PPIL6: variants seen among roughly 807,000 people sequenced by gnomAD.
The protein encoded by PPIL6 is peptidylprolyl isomerase like 6.
Under a neutral mutation model 36.8 loss-of-function variants are expected in PPIL6, and 39 were observed. The ratio of observed to expected loss-of-function variants is 1.06; its 90% CI spans 0.82 to 1.38. The LOEUF (loss-of-function observed/expected upper bound fraction) is 1.38, where lower values mean the gene tolerates loss of function less well. Ranked by LOEUF, PPIL6 falls within the 40% of genes most tolerant of loss-of-function variation. The probability of loss-of-function intolerance (pLI) is 0.00; values close to 1 mark genes in which losing one functional copy is unlikely to be tolerated. For missense variants in PPIL6, 368 were observed against 379.1 expected (o/e 0.97, Z 0.24); for synonymous variants, 123 against 134.1 (o/e 0.92, Z 0.57).
At chr6:109,434,111 A>T (rs1032935833) in intron 2 of PPIL6, among the ~76,000 whole-genome samples, 10 of 152,276 alleles carry the variant, frequency 6.6e-5, no homozygotes, top group Middle Eastern at 3.4e-3. Context: ...AAAAAGAAAA[A>T]AAAAGTATTG....
At chr6:109,406,392 A>T (rs771021158) in intron 6 of PPIL6, among the ~76,000 whole-genome samples, 49 of 152,196 alleles carry the variant, frequency 3.2e-4, no homozygotes, top group Non-Finnish European at 1.6e-4. Context: ...GTCGCAATAC[A>T]ACAGAACTGA....
chr6:109,396,502 C>G (rs769216976), intron 7 of PPIL6, among the ~76,000 whole-genome samples: 2 of 152,132 alleles, frequency 1.3e-5, no homozygotes, highest in African/African-American at 4.8e-5. Flanking sequence ...TGCTCTCTTA[C>G]TCCTCAGGGC....
chr6:109,401,001 A>T (rs1423733518), intron 6 of PPIL6, among the ~76,000 whole-genome samples: 1 of 149,232 alleles, frequency 6.7e-6, no homozygotes, highest in Non-Finnish European at 1.5e-5. Context: ...CTGGGACTAC[A>T]GGCGCCCGCC....
At chr6:109,416,036 A>G (rs1773236441) in intron 6 of PPIL6, among the ~76,000 whole-genome samples, 1 of 152,148 alleles carries the variant, frequency 6.6e-6, no homozygotes, top group African/African-American at 2.4e-5. Context: ...GCCTTTTTGT[A>G]CAACCAAAAG....
At chr6:109,401,032 T>A (rs1772513081) in intron 6 of PPIL6, among the ~76,000 whole-genome samples, 1 of 142,640 alleles carries the variant, frequency 7.0e-6, no homozygotes, top group South Asian at 2.2e-4. Flanking sequence ...GCTAATTTTT[T>A]TTTTTTTTTT....
Position 109,404,525 on chromosome 6 carries a change from ATC to A in PPIL6, c.689-4357_689-4356del, listed in dbSNP as rs549228043. Reference sequence around the variant, plus strand: ...GCAACTGGCACAGCACCTGTAGTTGATCTGTTTTAACATCTGTCTGCACAAAA... The same window carrying A: ...GCAACTGGCACAGCACCTGTAGTTGATGTTTTAACATCTGTCTGCACAAAA... On this transcript the variant is annotated intron_variant, in intron 6 of 7. Coordinates refer to ENST00000521072, the MANE Select transcript of PPIL6 (RefSeq NM_173672.5). 1.9e-4 allele frequency among the ~76,000 whole-genome samples: 29 copies of A among 152,272 alleles called. No homozygotes were observed. The South Asian group carries it at 5.6e-3, about 29-fold the overall frequency.
intron 3 of PPIL6, among the ~76,000 whole-genome samples, chr6:109,428,487 A>C (rs1271262335): frequency 6.9e-6 from 1 of 145,922 alleles, no homozygotes; most frequent in Non-Finnish European, 1.5e-5. Context: ...AGGGAGGTTG[A>C]GGCTGCAGTG....
At chr6:109,438,569 T>G (rs1190461118) in intron 1 of PPIL6, among the ~76,000 whole-genome samples, 1 of 152,082 alleles carries the variant, frequency 6.6e-6, no homozygotes, top group Non-Finnish European at 1.5e-5. Context: ...AGAGGAATAA[T>G]TTTTAGATTT....
intron 3 of PPIL6, among the ~76,000 whole-genome samples, chr6:109,430,021 G>A (rs1214528180): frequency 6.6e-6 from 1 of 152,150 alleles, no homozygotes; most frequent in Non-Finnish European, 1.5e-5. Context: ...GGAATTAACT[G>A]TTTGAACATT....
chr6:109,397,564 T>C (rs971625793), intron 7 of PPIL6, among the ~76,000 whole-genome samples: 4 of 152,044 alleles, frequency 2.6e-5, no homozygotes, highest in Non-Finnish European at 4.4e-5. Flanking sequence ...CTGAGTACCA[T>C]GAATGGCATA....
chr6:109,399,468 T>C (rs1772438234), intron 7 of PPIL6, among the ~76,000 whole-genome samples: 1 of 152,008 alleles, frequency 6.6e-6, no homozygotes, highest in Admixed American at 6.6e-5. Context: ...TGCAGTGGCA[T>C]GATCTTGGCT....
chr6:109,432,799 G>A (rs754551287), intron 2 of PPIL6, among the ~76,000 whole-genome samples: 16 of 151,994 alleles, frequency 1.1e-4, no homozygotes, highest in Non-Finnish European at 2.1e-4. Flanking sequence ...AGGTGCTGAT[G>A]TTGCTGTTCT....
chr6:109,433,505 T>C (rs1774277726), intron 2 of PPIL6, among the ~76,000 whole-genome samples: 1 of 152,242 alleles, frequency 6.6e-6, no homozygotes, highest in Non-Finnish European at 1.5e-5. Context: ...TAGGGAGGCG[T>C]GCTCGCCTGC....
chr6:109,437,556 T>C (rs998899405), intron 1 of PPIL6, among the ~76,000 whole-genome samples: 14 of 116,632 alleles, frequency 1.2e-4, no homozygotes, highest in African/African-American at 4.0e-4. Context: ...TTCTTTTTTT[T>C]TTTTTTTTTT....
intron 2 of PPIL6, among the ~76,000 whole-genome samples, chr6:109,434,869 T>C (rs200599352): frequency 6.6e-6 from 1 of 152,212 alleles, no homozygotes; most frequent in East Asian, 1.9e-4. Flanking sequence ...TCTCATCACA[T>C]GCTCCAGGCA....
Position 109,390,579 on chromosome 6 carries a change from C to CA in PPIL6, c.*2246dup, listed in dbSNP as rs1472839351. ...TGTCATTAAAAGGAAAAGCAAATGCCAGTTGTCAGGAGTTAGGGATGGCAG... is the reference window on the plus strand; with the variant it reads ...TGTCATTAAAAGGAAAAGCAAATGCCAAGTTGTCAGGAGTTAGGGATGGCAG... On this transcript the variant is annotated 3_prime_UTR_variant, in exon 8 of 8. Transcript: ENST00000521072. The CA allele has an allele frequency of 6.6e-6, 1 of 152,216 alleles. No homozygotes were observed. The highest frequency in any genetic ancestry group is 1.5e-5 in the Non-Finnish European group (1 of 68,072). The allele number at this position is 152,216 out of a possible 1,614,324, so 9.4% of individuals were successfully genotyped here.
At chr6:109,435,784 G>C (rs953291880) in intron 2 of PPIL6, among the ~76,000 whole-genome samples, 2 of 152,112 alleles carry the variant, frequency 1.3e-5, no homozygotes. Flanking sequence ...AACTAGCTAG[G>C]TGTGGTGGCG....
At chr6:109,399,040 C>T (rs377716351) in intron 7 of PPIL6, among the ~76,000 whole-genome samples, 2 of 151,394 alleles carry the variant, frequency 1.3e-5, no homozygotes, top group African/African-American at 2.4e-5. Flanking sequence ...ATCCTCCCAC[C>T]GAAACTTCTT....
intron 6 of PPIL6, among the ~76,000 whole-genome samples, chr6:109,407,022 AG>A (rs1310333631): frequency 6.6e-6 from 1 of 152,208 alleles, no homozygotes; most frequent in African/African-American, 2.4e-5. Context: ...CTCATTTTGT[AG>A]ATTTCCCCCG....
Sources: allele counts gnomAD v4.1 joint callset (sites outside exome capture counted in the v4.1 genomes callset), GRCh38; gene constraint gnomAD v4.1.1; transcripts MANE v1.5; gene names NCBI Gene and HGNC (gene_info 2026-07-23, HGNC 2026-07-21).